KSR2: variants seen among roughly 807,000 people sequenced by gnomAD.
The protein encoded by KSR2 is kinase suppressor of ras 2.
Under a neutral mutation model 107.8 loss-of-function variants are expected in KSR2, and 25 were observed. That is an observed-to-expected ratio of 0.23 (90% CI 0.17 to 0.32). The LOEUF (loss-of-function observed/expected upper bound fraction) is 0.32. Ranked by LOEUF, KSR2 falls within the 10% of genes least tolerant of loss-of-function variation. The pLI, the probability that KSR2 is intolerant of heterozygous loss-of-function variation, is 1.00. For synonymous variants in KSR2, 480 were observed against 507.0 expected, an observed-to-expected ratio of 0.95 and a Z score of 0.71; for missense variants, 887 against 1,268.9, an observed-to-expected ratio of 0.70 and a Z score of 4.57.
At chr12:117,665,271 G>A (rs867309084) in intron 5 of KSR2, among the ~76,000 whole-genome samples, 1 of 152,144 alleles carries the variant, frequency 6.6e-6, no homozygotes, top group African/African-American at 2.4e-5. Context: ...GGAGACCAGG[G>A]CGGGAACAAA....
At chr12:117,582,523 T>C (rs977725286) in intron 5 of KSR2, among the ~76,000 whole-genome samples, 164 bp from the exon 6 acceptor site, 6 of 152,134 alleles carry the variant, frequency 3.9e-5, no homozygotes, top group African/African-American at 1.4e-4. Flanking sequence ...GCTTGTCACC[T>C]CAACTGACGC....
Position 117,761,110 on chromosome 12 carries a change from C to G in KSR2, c.887G>C (p.Arg296Pro). ...KPPGTPPPSS[R>P]KLIHLIPGFT... The stretch of plus-strand genomic sequence containing the variant: ...TCCCGGGATCAAGTGTATCAGTTTT[C>G]GGGAGGAGGGCGGTGGGGTCCCCGG... The change falls in exon 4 of 20, where the codon CGA becomes CCA. Residue 296 changes from arginine to proline, a missense_variant. By Grantham distance (103) the Arg-to-Pro change is moderately radical. Coordinates refer to ENST00000339824, the MANE Select transcript of KSR2 (RefSeq NM_173598.6). 1 of 1,613,542 alleles carries G rather than the reference C, an allele frequency of 6.2e-7. No homozygotes were observed.
intron 5 of KSR2, among the ~76,000 whole-genome samples, chr12:117,593,086 G>A (rs945396291): frequency 6.6e-6 from 1 of 152,148 alleles, no homozygotes; most frequent in African/African-American, 2.4e-5. Context: ...CATGTGCAAA[G>A]GCAGCTTGGA....
intron 4 of KSR2, among the ~76,000 whole-genome samples, chr12:117,740,647 T>A (rs570816131): frequency 7.7e-4 from 100 of 129,516 alleles, no homozygotes; most frequent in East Asian, 3.0e-3. Context: ...ATACATATAT[T>A]ATATATGTAA....
chr12:117,844,387 A>G (rs1407367621), intron 3 of KSR2, among the ~76,000 whole-genome samples: 2 of 152,164 alleles, frequency 1.3e-5, no homozygotes, highest in Non-Finnish European at 1.5e-5. Flanking sequence ...TAAAGAGTTA[A>G]TGAAACCAAT....
chr12:117,793,234 A>ACT (rs1234461824), intron 3 of KSR2, among the ~76,000 whole-genome samples: 2 of 141,804 alleles, frequency 1.4e-5, no homozygotes, highest in African/African-American at 2.8e-5. Flanking sequence ...CAACATGCAC[A>ACT]CACACCAACC....
At chr12:117,665,273 G>A (rs549164024) in intron 5 of KSR2, among the ~76,000 whole-genome samples, 23 of 152,198 alleles carry the variant, frequency 1.5e-4, no homozygotes, top group East Asian at 5.8e-4. Flanking sequence ...AGACCAGGGC[G>A]GGAACAAAAA....
At position 117,883,321 on chromosome 12, in the gene KSR2, T is replaced by G. The variant is rs141032903; in HGVS notation, c.181-22890A>C. On this transcript the variant is annotated intron_variant, in intron 1 of 19. Transcript: ENST00000339824. ...AAACAGTTTGCAACCAAACACATAG[T>G]AGAATCAGATAAGATAATGTTTCTA... Among the ~76,000 whole-genome samples, 985 of 152,322 alleles carry G rather than the reference T, an allele frequency of 6.5e-3. 22 individuals are homozygous for G. The highest frequency in any genetic ancestry group is 7.1e-3 in the Non-Finnish European group (485 of 68,034).
At chr12:117,801,212 A>G (rs10774960) in intron 3 of KSR2, among the ~76,000 whole-genome samples, 95,507 of 151,850 alleles carry the variant, frequency 0.63, 32,165 homozygotes, top group African/African-American at 0.87. Context: ...CACCTCCTGG[A>G]TTCAGGTGAT....
At chr12:117,573,594 G>A (rs1485880773) in intron 7 of KSR2, among the ~76,000 whole-genome samples, 1 of 137,682 alleles carries the variant, frequency 7.3e-6, no homozygotes, top group African/African-American at 2.8e-5. Flanking sequence ...GTAGTGCAAT[G>A]TTGGCTCACT....
At chr12:117,614,011 A>G (rs1416614595) in intron 5 of KSR2, among the ~76,000 whole-genome samples, 1 of 152,238 alleles carries the variant, frequency 6.6e-6, no homozygotes, top group East Asian at 1.9e-4. Flanking sequence ...GTGCTGAGAC[A>G]GTGAAAAGTT....
At chr12:117,524,422 C>G in intron 14 of KSR2, among the ~76,000 whole-genome samples, 1 of 152,110 alleles carries the variant, frequency 6.6e-6, no homozygotes, top group East Asian at 1.9e-4. Context: ...TCCCAGCAGT[C>G]TGGGAGGTCA....
intron 4 of KSR2, among the ~76,000 whole-genome samples, chr12:117,695,254 G>A (rs1886005078): frequency 6.6e-6 from 1 of 152,170 alleles, no homozygotes; most frequent in East Asian, 1.9e-4. Flanking sequence ...AAATTTAATG[G>A]GTACAGAGCT....
At chr12:117,830,293 A>G (rs1365483902) in intron 3 of KSR2, among the ~76,000 whole-genome samples, 1 of 151,884 alleles carries the variant, frequency 6.6e-6, no homozygotes, top group Non-Finnish European at 1.5e-5. Context: ...AAAAGTAGGA[A>G]CTAAACATTG....
chr12:117,517,692 G>A lies in KSR2; in HGVS notation c.2219+7160C>T, dbSNP rs1053196901. On this transcript the variant is annotated intron_variant, in intron 14 of 19. Coordinates refer to ENST00000339824, the MANE Select transcript of KSR2 (RefSeq NM_173598.6). ...TTACATTTCAGCACAATTAAAGGCA[G>A]CCACAGACAAAAAACCTTTTCAGCT... 1.6e-5 allele frequency: 6 copies of A among 382,590 alleles called. No homozygotes were observed. The Admixed American group carries it at 2.1e-4, about 14-fold the overall frequency. 23.7% of individuals were successfully genotyped at this position (382,590 alleles called of 1,614,324 possible).
In KSR2 at chr12:117,777,175, C is replaced by CTATATATATATA. The variant is rs56862811; in HGVS notation, c.473-15663_473-15652dup. On this transcript the variant is annotated intron_variant, in intron 3 of 19. Transcript: ENST00000339824. ...TATATACACACCATACATATATACACTATATATATATATATATAGTTGATT... is the reference window on the plus strand; with the variant it reads ...TATATACACACCATACATATATACACTATATATATATATATATATATATATATATAGTTGATT... 7.4e-3 allele frequency among the ~76,000 whole-genome samples: 1,016 copies of CTATATATATATA among 136,780 alleles called. 18 individuals carry two copies. Among genetic ancestry groups the CTATATATATATA allele is most frequent in the African/African-American group, 0.026 (923 of 35,770 alleles). 89.7% of individuals were successfully genotyped at this position (136,780 alleles called of 152,430 possible). A position where few individuals can be genotyped will look rare whatever the true frequency, so the allele number is the denominator to read the frequency against.
chr12:117,859,335 G>A (rs753227266), intron 2 of KSR2, among the ~76,000 whole-genome samples: 2 of 151,716 alleles, frequency 1.3e-5, no homozygotes, highest in Middle Eastern at 3.2e-3. Context: ...CAGTAGAGAC[G>A]GGGTTTTGCC....
chr12:117,681,857 T>C (rs1163682254), intron 4 of KSR2, among the ~76,000 whole-genome samples: 2 of 152,180 alleles, frequency 1.3e-5, no homozygotes, highest in African/African-American at 2.4e-5. Flanking sequence ...GAAGACAGTG[T>C]GGCAATTCCT....
At chr12:117,764,579 A>G (rs956241599) in intron 3 of KSR2, among the ~76,000 whole-genome samples, 1 of 152,162 alleles carries the variant, frequency 6.6e-6, no homozygotes, top group African/African-American at 2.4e-5. Context: ...TACTGAAACA[A>G]AGGCTCATTT....
Sources: gnomAD v4.1 joint callset for allele counts (sites outside exome capture counted in the v4.1 genomes callset) on GRCh38, gnomAD v4.1.1 for gene constraint, MANE v1.5 for transcripts, NCBI Gene and HGNC (gene_info 2026-07-23, HGNC 2026-07-21) for gene names.